The following KHDRBS2 variants were observed in gnomAD, a reference collection of about 807,000 sequenced individuals.
KHDRBS2 encodes the protein KH domain-containing, RNA-binding, signal transduction-associated protein 2.
In KHDRBS2, 26 loss-of-function variants were observed where a neutral mutation model predicts 44.3. That is an observed-to-expected ratio of 0.59 (90% confidence interval 0.43 to 0.81). KHDRBS2 has a LOEUF of 0.81. Among genes scored for constraint, KHDRBS2 ranks in the 40% least tolerant of loss-of-function variants. The probability of loss-of-function intolerance (pLI) is 0.00; values close to 1 mark genes in which losing one functional copy is unlikely to be tolerated. For synonymous variants in KHDRBS2, 194 were observed against 151.1 expected, an observed-to-expected ratio of 1.28 and a Z score of -2.08; for missense variants, 476 against 433.1, an observed-to-expected ratio of 1.10 and a Z score of -0.88.
chr6:61,749,718 C>G (rs912839731), intron 6 of KHDRBS2, among the ~76,000 whole-genome samples: 2 of 152,214 alleles, frequency 1.3e-5, no homozygotes, highest in Admixed American at 6.5e-5. Context: ...TTAATGACAT[C>G]ATAATCTCTG....
intron 2 of KHDRBS2, among the ~76,000 whole-genome samples, chr6:62,136,306 C>A (rs2150094171): frequency 6.6e-6 from 1 of 152,250 alleles, no homozygotes; most frequent in African/African-American, 2.4e-5. Context: ...ATCTTGTGTT[C>A]TAATGATAAC....
chr6:61,988,808 T>C (rs1471957188), intron 3 of KHDRBS2, among the ~76,000 whole-genome samples: 1 of 151,598 alleles, frequency 6.6e-6, no homozygotes, highest in African/African-American at 2.4e-5. Context: ...TCTAACACTA[T>C]TGCATTTCAA....
At chr6:61,831,914 T>C (rs1275447049) in intron 6 of KHDRBS2, among the ~76,000 whole-genome samples, 1 of 152,230 alleles carries the variant, frequency 6.6e-6, no homozygotes, top group African/African-American at 2.4e-5. Context: ...TAAGTCATTA[T>C]ATGAGGTGAA....
intron 4 of KHDRBS2, among the ~76,000 whole-genome samples, chr6:61,933,071 G>A (rs376025203): frequency 6.6e-6 from 1 of 152,118 alleles, no homozygotes; most frequent in African/African-American, 2.4e-5. Flanking sequence ...ACTGGCTCAC[G>A]TTTTCACAGG....
chr6:61,878,412 T>C (rs541850754), intron 6 of KHDRBS2, among the ~76,000 whole-genome samples: 1 of 152,168 alleles, frequency 6.6e-6, no homozygotes, highest in East Asian at 1.9e-4. Flanking sequence ...TCCAGGTAGA[T>C]TGACCAAGTG....
intron 4 of KHDRBS2, among the ~76,000 whole-genome samples, chr6:61,944,775 T>C (rs910682289): frequency 6.6e-6 from 1 of 151,892 alleles, no homozygotes; most frequent in African/African-American, 2.4e-5. Context: ...CCTATAAATA[T>C]GTAAAATATT....
intron 6 of KHDRBS2, among the ~76,000 whole-genome samples, chr6:61,867,642 T>G (rs1797979433): frequency 6.6e-6 from 1 of 152,208 alleles, no homozygotes; most frequent in African/African-American, 2.4e-5. Flanking sequence ...TTTTGTTTGC[T>G]TGTTTGCTTG....
chr6:62,228,482 T>G (rs910063664), intron 1 of KHDRBS2, among the ~76,000 whole-genome samples: 1 of 152,170 alleles, frequency 6.6e-6, no homozygotes, highest in African/African-American at 2.4e-5. Context: ...AACCAGCCCC[T>G]GGATTCATCG....
chr6:61,580,249 A>G, the KHDRBS2 span, among the ~76,000 whole-genome samples: 3,723 of 152,258 alleles, frequency 0.024, 72 homozygotes, highest in Middle Eastern at 0.085. Flanking sequence ...GGCTTCTGGC[A>G]TGGGTTGGGA....
intron 6 of KHDRBS2, among the ~76,000 whole-genome samples, chr6:61,864,759 G>A (rs1417715026): frequency 6.6e-6 from 1 of 152,134 alleles, no homozygotes; most frequent in African/African-American, 2.4e-5. Flanking sequence ...ATCTTCTCAT[G>A]GAGTATCCTA....
At chr6:61,787,877 C>G (rs1784047211) in intron 6 of KHDRBS2, among the ~76,000 whole-genome samples, 1 of 151,464 alleles carries the variant, frequency 6.6e-6, no homozygotes, top group Admixed American at 6.6e-5. Flanking sequence ...GCTCAGGAAA[C>G]TTACAAAATA....
chr6:61,842,375 C>T (rs535194817), intron 6 of KHDRBS2, among the ~76,000 whole-genome samples: 5 of 152,162 alleles, frequency 3.3e-5, no homozygotes, highest in Non-Finnish European at 7.3e-5. Context: ...CACAAACATA[C>T]ATTCAAAACT....
chr6:61,774,060 T>C (rs1260133501), intron 6 of KHDRBS2, among the ~76,000 whole-genome samples: 1 of 152,162 alleles, frequency 6.6e-6, no homozygotes, highest in South Asian at 2.1e-4. Context: ...TGTAGTATAG[T>C]TTGAAGTCAG....
At chr6:61,645,464 A>C in the KHDRBS2 span, among the ~76,000 whole-genome samples, 2 of 148,068 alleles carry the variant, frequency 1.4e-5, no homozygotes, top group Admixed American at 6.8e-5. Flanking sequence ...ACTTGAACCT[A>C]AAAAAAAAAA....
chr6:62,235,071 T>A (rs1469271049), intron 1 of KHDRBS2, among the ~76,000 whole-genome samples: 1 of 66,818 alleles, frequency 1.5e-5, no homozygotes, highest in Non-Finnish European at 2.7e-5. Flanking sequence ...CCATTTAGGC[T>A]TTTTTTTTTT....
intron 6 of KHDRBS2, among the ~76,000 whole-genome samples, chr6:61,884,343 C>T (rs1800616694): frequency 6.6e-6 from 1 of 152,066 alleles, no homozygotes; most frequent in South Asian, 2.1e-4. Flanking sequence ...CAAAATTTCT[C>T]ATGTCGTGCT....
chr6:61,635,566 C>T, the KHDRBS2 span, among the ~76,000 whole-genome samples: 2 of 151,818 alleles, frequency 1.3e-5, no homozygotes, highest in African/African-American at 4.8e-5. Flanking sequence ...TTTTGTCCTG[C>T]CCTAATGTTT....
chr6:61,917,424 T>C (rs1037350841), intron 4 of KHDRBS2, among the ~76,000 whole-genome samples: 9 of 151,836 alleles, frequency 5.9e-5, no homozygotes, highest in African/African-American at 2.2e-4. Context: ...ATTCAAAATA[T>C]ATGACATTCT....
At chr6:62,174,482 C>G (rs1820701545) in intron 2 of KHDRBS2, among the ~76,000 whole-genome samples, 1 of 151,364 alleles carries the variant, frequency 6.6e-6, no homozygotes, top group African/African-American at 2.4e-5. Context: ...CGTAAAGCAC[C>G]AGGGCTAGAT....
Sources: gnomAD v4.1 joint callset for allele counts (sites outside exome capture counted in the v4.1 genomes callset) on GRCh38, gnomAD v4.1.1 for gene constraint, MANE v1.5 for transcripts, NCBI Gene and HGNC (gene_info 2026-07-23, HGNC 2026-07-21) for gene names.